NCMAP: variants seen among roughly 807,000 people sequenced by gnomAD.
The protein encoded by NCMAP is non-compact myelin associated protein.
NCMAP carries 8 observed loss-of-function variants against 7.8 expected under a neutral mutation model. That is an observed-to-expected ratio of 1.02 (90% CI 0.60 to 1.84). NCMAP has a LOEUF of 1.84. Ranked by LOEUF, NCMAP falls within the 40% of genes most tolerant of loss-of-function variation. NCMAP has a pLI of 0.00. For synonymous variants in NCMAP, 41 were observed against 52.9 expected, an observed-to-expected ratio of 0.78 and a Z score of 0.98; for missense variants, 112 against 131.4, an observed-to-expected ratio of 0.85 and a Z score of 0.72.
intron 1 of NCMAP, among the ~76,000 whole-genome samples, chr1:24,572,156 G>A (rs945672710): frequency 6.9e-6 from 1 of 145,834 alleles, no homozygotes; most frequent in Non-Finnish European, 1.5e-5. Flanking sequence ...ATGCTCAGAT[G>A]TATTTCTAGA....
At chr1:24,562,438 T>C (rs1188472452) in intron 1 of NCMAP, among the ~76,000 whole-genome samples, 1 of 152,150 alleles carries the variant, frequency 6.6e-6, no homozygotes, top group East Asian at 1.9e-4. Flanking sequence ...CGTCTGTTAG[T>C]TTGTTGTCAG....
chr1:24,601,447 G>T (rs981282855), intron 3 of NCMAP, among the ~76,000 whole-genome samples: 39 of 151,756 alleles, frequency 2.6e-4, no homozygotes, highest in African/African-American at 8.3e-4. Context: ...GGAAATAAAA[G>T]AATATAATTT....
At chr1:24,589,781 GC>G (rs1335131266) in intron 1 of NCMAP, among the ~76,000 whole-genome samples, 1 of 152,208 alleles carries the variant, frequency 6.6e-6, no homozygotes, top group Non-Finnish European at 1.5e-5. Context: ...CAGCTCTGTA[GC>G]TTTGGGGCTA....
intron 1 of NCMAP, among the ~76,000 whole-genome samples, chr1:24,566,438 G>T (rs1381633850): frequency 1.3e-5 from 2 of 152,148 alleles, no homozygotes; most frequent in Non-Finnish European, 2.9e-5. Flanking sequence ...TTTGGAAACT[G>T]CAATTTGCAT....
At chr1:24,589,746 A>C (rs993264357) in intron 1 of NCMAP, 1 of 152,272 alleles carries the variant, frequency 6.6e-6, no homozygotes, top group Non-Finnish European at 1.5e-5. Context: ...AGACGTTGCC[A>C]CATGCAACAC....
chr1:24,596,805 G>A (rs900525659), intron 2 of NCMAP, among the ~76,000 whole-genome samples: 2 of 152,320 alleles, frequency 1.3e-5, no homozygotes, highest in South Asian at 2.1e-4. Context: ...GTGAGTTCTG[G>A]GGAGGCATTT....
Position 24,605,889 on chromosome 1 carries a change from C to G in NCMAP, c.*142C>G, listed in dbSNP as rs1045792902. ...ATCTTTGACGCAATCTCTGATGCTT[C>G]CAGCAATCCTCAACCTTGTCTGCCC... On this transcript the variant is annotated 3_prime_UTR_variant, in exon 4 of 4. Transcript: ENST00000374392. 28 of 996,332 alleles carry G rather than the reference C, an allele frequency of 2.8e-5. No individual in the cohort carries two copies. Among genetic ancestry groups the G allele is most frequent in the Non-Finnish European group, 3.9e-5 (27 of 685,510 alleles). The allele number at this position is 996,332 out of a possible 1,614,324, so 61.7% of individuals were successfully genotyped here. A position where few individuals can be genotyped will look rare whatever the true frequency, so the allele number is the denominator to read the frequency against.
intron 1 of NCMAP, among the ~76,000 whole-genome samples, chr1:24,573,715 C>G (rs1397536760): frequency 6.6e-6 from 1 of 150,428 alleles, no homozygotes; most frequent in Non-Finnish European, 1.5e-5. Context: ...AAGCAGGAGG[C>G]TCTCTTGAGC....
intron 1 of NCMAP, among the ~76,000 whole-genome samples, chr1:24,569,353 G>A (rs888908570): frequency 6.6e-6 from 1 of 150,406 alleles, no homozygotes; most frequent in African/African-American, 2.5e-5. Flanking sequence ...AGACTTCACT[G>A]TGCTGGGACC....
intron 3 of NCMAP, among the ~76,000 whole-genome samples, chr1:24,602,565 A>G (rs12023989): frequency 0.054 from 4,520 of 83,984 alleles, 228 homozygotes; most frequent in African/African-American, 0.14. Context: ...ACGAGACTCC[A>G]TCTCAAAAAA....
At chr1:24,558,133 G>A (rs569293722) in intron 1 of NCMAP, among the ~76,000 whole-genome samples, 1 of 152,238 alleles carries the variant, frequency 6.6e-6, no homozygotes. Flanking sequence ...TAAAGTGCAG[G>A]TGGAGACTGG....
chr1:24,601,782 T>C (rs1353801332), intron 3 of NCMAP, among the ~76,000 whole-genome samples: 1 of 152,182 alleles, frequency 6.6e-6, no homozygotes, highest in African/African-American at 2.4e-5. Context: ...GGCTCACGCC[T>C]GTAATCCCAG....
chr1:24,576,550 G>A lies in NCMAP; in HGVS notation c.-7-18874G>A, dbSNP rs1167111800. Among the ~76,000 whole-genome samples, 1 of 152,178 alleles carries A rather than the reference G, an allele frequency of 6.6e-6. No individual in the cohort carries two copies. On this transcript the variant is annotated intron_variant, in intron 1 of 3. Coordinates refer to ENST00000374392, the MANE Select transcript of NCMAP (RefSeq NM_001010980.5). The surrounding 1 kb of genome is among the most constrained non-coding windows in gnomAD (Gnocchi z 4.0). ...CCTCGGGGAGGGTGTCCTGAACCAA[G>A]TGAGAGGCTGGAAGAGTCACAAGGA...
At chr1:24,577,932 A>ATTTTG (rs1402791652) in intron 1 of NCMAP, among the ~76,000 whole-genome samples, 1 of 152,024 alleles carries the variant, frequency 6.6e-6, no homozygotes, top group Non-Finnish European at 1.5e-5. Flanking sequence ...GCTGTTGCGC[A>ATTTTG]TTTTGTTTTG....
rs1052190822 is a variant in NCMAP at position 24,583,484 on chromosome 1, C to T, written c.-7-11940C>T. ...ATCCCAGCACTTTGGGAGACCAAGG[C>T]GGGCGGATCACCTGAGGTCAGGAGT... On this transcript the variant is annotated intron_variant, in intron 1 of 3. Transcript: ENST00000374392. Among the ~76,000 whole-genome samples, 17 of 152,216 alleles carry T rather than the reference C, an allele frequency of 1.1e-4. 1 individual carries two copies. In the East Asian group the frequency reaches 1.5e-3, roughly 14 times the overall value.
chr1:24,604,607 T>A (rs12122164), intron 3 of NCMAP, among the ~76,000 whole-genome samples: 296 of 6,366 alleles, frequency 0.046, 21 homozygotes, highest in Admixed American at 0.087. Context: ...AAAAAAAAAA[T>A]ATATATATAT....
chr1:24,576,342 C>T lies in NCMAP; in HGVS notation c.-7-19082C>T, dbSNP rs1011677031. On this transcript the variant is annotated intron_variant, in intron 1 of 3. Coordinates refer to ENST00000374392, the MANE Select transcript of NCMAP (RefSeq NM_001010980.5). This position sits in a 1 kb window ranked among gnomAD's most constrained non-coding sequence, Gnocchi z 4.0. ...CACCGCAGGTCCCCCAGACAAACGC[C>T]CCTCTGTATCTTTGGGCCTATTGTG... is the stretch of plus-strand genomic sequence containing the variant. Among the ~76,000 whole-genome samples, 17 of 152,194 alleles carry T rather than the reference C, an allele frequency of 1.1e-4. No homozygotes were observed. Among genetic ancestry groups the T allele is most frequent in the Non-Finnish European group, 2.4e-4 (16 of 68,036 alleles).
intron 1 of NCMAP, among the ~76,000 whole-genome samples, chr1:24,559,229 C>T (rs896569653): frequency 1.3e-5 from 2 of 152,166 alleles, no homozygotes; most frequent in Non-Finnish European, 2.9e-5. Context: ...GTTCTAGTTC[C>T]CCTATCGGTT....
intron 3 of NCMAP, among the ~76,000 whole-genome samples, chr1:24,601,828 C>T (rs933769855): frequency 5.3e-5 from 8 of 152,088 alleles, no homozygotes; most frequent in African/African-American, 1.7e-4. Flanking sequence ...ATAACGAGGT[C>T]AGGAGATGGA....
Sources: allele counts gnomAD v4.1 joint callset (sites outside exome capture counted in the v4.1 genomes callset), GRCh38; gene constraint gnomAD v4.1.1; non-coding constraint Gnocchi (gnomAD v3.1); transcripts MANE v1.5; gene names NCBI Gene and HGNC (gene_info 2026-07-23, HGNC 2026-07-21).